XPO6: variants seen among roughly 807,000 people sequenced by gnomAD.
XPO6 encodes exportin-6.
Under a neutral mutation model 130.0 loss-of-function variants are expected in XPO6, and 3 were observed. The observed-to-expected ratio is 0.02, with a 90% CI of 0.01 to 0.06. XPO6 has a LOEUF of 0.06. Among genes scored for constraint, XPO6 ranks in the 10% least tolerant of loss-of-function variants. The probability of loss-of-function intolerance (pLI) is 1.00; values close to 1 mark genes in which losing one functional copy is unlikely to be tolerated. For missense variants in XPO6, 970 were observed against 1,393.0 expected, an observed-to-expected ratio of 0.70 and a Z score of 4.83; for synonymous variants, 524 against 548.9, an observed-to-expected ratio of 0.95 and a Z score of 0.63.
chr16:28,150,181 T>A (rs565909255), intron 8 of XPO6, among the ~76,000 whole-genome samples: 115 of 152,184 alleles, frequency 7.6e-4, no homozygotes, highest in Admixed American at 2.5e-3. Context: ...GTCAAAGACA[T>A]ACCTACTCCC....
In XPO6 at chr16:28,101,139, C is replaced by T; in HGVS notation, c.3276+319G>A. ...TGCTGGCCCCACCGGGGCTCATCAC[C>T]CAGGAGGGAGAACGGCAGGGTCCTG... On this transcript the variant is annotated intron_variant, in intron 23 of 23. Coordinates refer to ENST00000304658, the MANE Select transcript of XPO6 (RefSeq NM_015171.4). The surrounding 1 kb of genome is among the most constrained non-coding windows in gnomAD (Gnocchi z 5.4). 2.3e-6 allele frequency: 1 copy of T among 427,370 alleles called. No homozygotes were observed. Among genetic ancestry groups the T allele is most frequent in the Non-Finnish European group, 4.4e-6 (1 of 226,758 alleles). The allele number at this position is 427,370 out of a possible 1,614,324, so 26.5% of individuals were successfully genotyped here.
chr16:28,125,190 G>A (rs764368575), intron 13 of XPO6, among the ~76,000 whole-genome samples: 8 of 152,184 alleles, frequency 5.3e-5, no homozygotes, highest in African/African-American at 1.2e-4. Flanking sequence ...TTTCACTCCC[G>A]AGGCCCTAAT....
At chr16:28,140,889 G>C (rs909004653) in intron 9 of XPO6, among the ~76,000 whole-genome samples, 1 of 151,902 alleles carries the variant, frequency 6.6e-6, no homozygotes, top group African/African-American at 2.4e-5. Context: ...AGAAATGAAT[G>C]AAAAACACAC....
At chr16:28,153,145 G>A (rs1252280344) in intron 7 of XPO6, 5 of 1,013,168 alleles carry the variant, frequency 4.9e-6, no homozygotes, top group Non-Finnish European at 4.7e-6. Context: ...CTAGAAGGCT[G>A]GTTTTCTTTC....
intron 1 of XPO6, among the ~76,000 whole-genome samples, chr16:28,205,792 C>T (rs974865469): frequency 9.9e-5 from 15 of 152,180 alleles, no homozygotes; most frequent in South Asian, 2.1e-4. Flanking sequence ...AATCCCAGCA[C>T]TTCGGGAGGC....
intron 8 of XPO6, among the ~76,000 whole-genome samples, chr16:28,148,635 C>A (rs1466487914): frequency 1.3e-5 from 2 of 152,138 alleles, no homozygotes; most frequent in Non-Finnish European, 2.9e-5. Context: ...GGAAAGTGAA[C>A]AAATATTTTG....
chr16:28,100,037 GA>G (rs1178629542), intron 23 of XPO6, among the ~76,000 whole-genome samples: 1 of 152,054 alleles, frequency 6.6e-6, no homozygotes, highest in African/African-American at 2.4e-5. Context: ...GCCCAGGCTG[GA>G]GTGCAGTGGC....
chr16:28,143,352 G>C (rs1339212960), intron 9 of XPO6, among the ~76,000 whole-genome samples: 1 of 152,180 alleles, frequency 6.6e-6, no homozygotes, highest in Non-Finnish European at 1.5e-5. Context: ...TTTACTGAGT[G>C]CCTAATACAT....
chr16:28,146,106 GCTTC>G lies in XPO6; in HGVS notation c.1318_1321del (p.Glu440GlnfsTer18). Reference sequence around the variant, plus strand: ...TTGAGGAGTTTACCTGTTGAGAACTGCTTCCTTGTCTCCAAGACGACTTTTAATT... The same window carrying G: ...TTGAGGAGTTTACCTGTTGAGAACTGCTTGTCTCCAAGACGACTTTTAATT... On this transcript the variant is annotated frameshift_variant, in exon 9 of 24. Coordinates refer to ENST00000304658, the MANE Select transcript of XPO6 (RefSeq NM_015171.4). LOFTEE classifies it high-confidence loss of function. The G allele has an allele frequency of 6.2e-7, 1 of 1,613,226 alleles. No individual in the cohort carries two copies. Among genetic ancestry groups the G allele is most frequent in the Non-Finnish European group, 8.5e-7 (1 of 1,179,322 alleles).
intron 4 of XPO6, among the ~76,000 whole-genome samples, chr16:28,173,984 C>T (rs1423353374): frequency 6.6e-6 from 1 of 152,132 alleles, no homozygotes; most frequent in Non-Finnish European, 1.5e-5. Context: ...CAGGACGCAC[C>T]ACTAACCAAC....
At chr16:28,116,999 C>T (rs1248793815) in intron 15 of XPO6, 1 of 266,338 alleles carries the variant, frequency 3.8e-6, no homozygotes, top group African/African-American at 2.1e-5. Flanking sequence ...TGCACAACCA[C>T]TGCCCAACTG....
intron 6 of XPO6, among the ~76,000 whole-genome samples, chr16:28,162,584 C>T (rs1181299061): frequency 1.4e-5 from 2 of 144,780 alleles, no homozygotes; most frequent in African/African-American, 5.2e-5. Flanking sequence ...TTTTTGGAGA[C>T]AGGGTCTTGC....
chr16:28,199,537 A>C, intron 1 of XPO6, among the ~76,000 whole-genome samples: 1 of 151,842 alleles, frequency 6.6e-6, no homozygotes, highest in East Asian at 2.0e-4. Flanking sequence ...TCGGCCTCCC[A>C]AAGTGCTGGG....
At chr16:28,161,451 C>G (rs1415874710) in intron 6 of XPO6, among the ~76,000 whole-genome samples, 1 of 151,704 alleles carries the variant, frequency 6.6e-6, no homozygotes, top group Non-Finnish European at 1.5e-5. Flanking sequence ...GGTTTAAGTT[C>G]TATTCTTAAA....
chr16:28,140,586 G>A (rs1460626808), intron 9 of XPO6, among the ~76,000 whole-genome samples: 1 of 151,480 alleles, frequency 6.6e-6, no homozygotes, highest in Non-Finnish European at 1.5e-5. Flanking sequence ...GCTGGGGCAG[G>A]AGAATTGCTT....
chr16:28,175,376 T>C (rs1389080863), intron 4 of XPO6, among the ~76,000 whole-genome samples: 2 of 152,108 alleles, frequency 1.3e-5, no homozygotes, highest in Non-Finnish European at 2.9e-5. Flanking sequence ...TAGGAAAAAC[T>C]ACGAATTGCA....
rs111713367 is a variant in XPO6, at chr16:28,181,660, G to C, written c.4-629C>G. Among the ~76,000 whole-genome samples, 773 of 152,204 alleles carry C rather than the reference G, an allele frequency of 5.1e-3. 4 individuals are homozygous for C. Among genetic ancestry groups the C allele is most frequent in the Non-Finnish European group, 7.7e-3 (527 of 68,018 alleles). On this transcript the variant is annotated intron_variant, in intron 1 of 23. Transcript: ENST00000304658. The stretch of plus-strand genomic sequence containing the variant: ...CCCAAAGCAATGGGACTACAAGTGT[G>C]AGTCATTCACTGCAACTGGCCATGG...
intron 1 of XPO6, among the ~76,000 whole-genome samples, chr16:28,196,795 A>G (rs1367224513): frequency 6.6e-6 from 1 of 151,432 alleles, no homozygotes; most frequent in Non-Finnish European, 1.5e-5. Context: ...CTCTCCTCTC[A>G]CTCTCATCCT....
chr16:28,146,351 T>C (rs2042982697), intron 8 of XPO6, 148 bp from the exon 9 acceptor site: 1 of 647,922 alleles, frequency 1.5e-6, no homozygotes, highest in Admixed American at 2.7e-5. Flanking sequence ...TGGTGGCTTT[T>C]AGTCGGTCTA....
Sources: allele counts gnomAD v4.1 joint callset (sites outside exome capture counted in the v4.1 genomes callset), GRCh38; gene constraint gnomAD v4.1.1; non-coding constraint Gnocchi (gnomAD v3.1); transcripts MANE v1.5; gene names NCBI Gene and HGNC (gene_info 2026-07-23, HGNC 2026-07-21).